Variants in ZNF420 observed in about 807,000 individuals in gnomAD.
ZNF420 encodes zinc finger protein 420, also known as ATM and p53-associated KZNF protein.
In ZNF420, 31 loss-of-function variants were observed where a neutral mutation model predicts 44.7. The ratio of observed to expected loss-of-function variants is 0.69; its 90% CI spans 0.52 to 0.94. The LOEUF (loss-of-function observed/expected upper bound fraction) is 0.94. ZNF420 is among the 40% of genes least tolerant of loss of function. The pLI is 0.00. For missense variants in ZNF420, 681 were observed against 827.9 expected (o/e 0.82, Z 2.18); for synonymous variants, 245 against 267.4 (o/e 0.92, Z 0.82).
chr19:37,113,259 A>G (rs1320256302), intron 4 of ZNF420, among the ~76,000 whole-genome samples: 1 of 152,154 alleles, frequency 6.6e-6, no homozygotes, highest in African/African-American at 2.4e-5. Flanking sequence ...TTGAATAGTT[A>G]TATTTTGTTT....
At chr19:37,115,787 C>A (rs116509077) in intron 4 of ZNF420, among the ~76,000 whole-genome samples, 1 of 151,932 alleles carries the variant, frequency 6.6e-6, no homozygotes, top group Non-Finnish European at 1.5e-5. Flanking sequence ...TCCCTTCCCA[C>A]GAGGCCATAT....
At chr19:37,083,360 ATATC>A (rs1229575015) in intron 2 of ZNF420, among the ~76,000 whole-genome samples, 1 of 152,160 alleles carries the variant, frequency 6.6e-6, no homozygotes, top group African/African-American at 2.4e-5. Flanking sequence ...TAGCTGGACT[ATATC>A]TATAAAGGGA....
At chr19:37,056,334 C>T (rs541407951) in intron 1 of ZNF420, among the ~76,000 whole-genome samples, 1 of 152,146 alleles carries the variant, frequency 6.6e-6, no homozygotes, top group Non-Finnish European at 1.5e-5. Context: ...AGGGAGGTCA[C>T]CTGTGCCCCC....
intron 1 of ZNF420, among the ~76,000 whole-genome samples, chr19:37,065,867 G>A (rs1361108283): frequency 6.6e-6 from 1 of 152,090 alleles, no homozygotes; most frequent in Non-Finnish European, 1.5e-5. Context: ...TTCAATAAAT[G>A]GCACTAGAAC....
At chr19:37,070,130 G>T (rs1968032438) in intron 1 of ZNF420, among the ~76,000 whole-genome samples, 1 of 152,062 alleles carries the variant, frequency 6.6e-6, no homozygotes, top group Non-Finnish European at 1.5e-5. Flanking sequence ...CATATGTGTT[G>T]TATGTCCCAT....
intron 1 of ZNF420, among the ~76,000 whole-genome samples, chr19:37,056,466 C>A (rs1463685329): frequency 2.0e-5 from 3 of 152,202 alleles, no homozygotes; most frequent in Admixed American, 2.0e-4. Context: ...GTTGCATTGG[C>A]TCCACCTTGG....
chr19:37,059,725 G>A (rs1967834887), intron 1 of ZNF420, among the ~76,000 whole-genome samples: 1 of 152,168 alleles, frequency 6.6e-6, no homozygotes, highest in South Asian at 2.1e-4. Context: ...CTTGCGGAGA[G>A]CAGAACCCCG....
chr19:37,084,443 T>C (rs1968645570), intron 2 of ZNF420, among the ~76,000 whole-genome samples: 1 of 152,214 alleles, frequency 6.6e-6, no homozygotes, highest in Non-Finnish European at 1.5e-5. Flanking sequence ...TAATACTTTA[T>C]AACTTTGTTG....
chr19:37,020,537 A>G (rs1404112660), intron 1 of ZNF420, among the ~76,000 whole-genome samples: 1 of 151,858 alleles, frequency 6.6e-6, no homozygotes, highest in African/African-American at 2.4e-5. Flanking sequence ...TCCCAAATAA[A>G]CCTGTCTTTG....
intron 4 of ZNF420, among the ~76,000 whole-genome samples, chr19:37,094,337 A>AT (rs755437869): frequency 6.6e-6 from 1 of 151,982 alleles, no homozygotes; most frequent in Admixed American, 6.6e-5. Context: ...ATCGTGTTTT[A>AT]TTTTTTGCAA....
At chr19:37,057,591 C>A (rs972143302) in intron 1 of ZNF420, among the ~76,000 whole-genome samples, 1 of 152,046 alleles carries the variant, frequency 6.6e-6, no homozygotes, top group African/African-American at 2.4e-5. Flanking sequence ...GCATGTCAAC[C>A]TGTTTTTGGT....
chr19:37,129,017 T>C lies in ZNF420; in HGVS notation c.2026T>C (p.Cys676Arg). 8 of 1,613,526 alleles carry C rather than the reference T, an allele frequency of 5.0e-6. No individual in the cohort carries two copies. Among genetic ancestry groups the C allele is most frequent in the South Asian group, 1.1e-5 (1 of 91,080 alleles). Residue 676 changes from cysteine (C) to arginine (R), a missense_variant, in exon 5 of 5, where the codon TGT (cysteine) becomes CGT (arginine). Physicochemically the swap from Cys to Arg is radical, Grantham distance 180 (BLOSUM62 -3). Transcript: ENST00000337995. ...TGAGAAATCTTTTGAATATAAGGAA[T>C]GTGGGATTGACTTTAGTCATGGCTC... Reference protein sequence around the residue: ...ISEKSFEYKECGIDFSHGSQV... With the variant: ...ISEKSFEYKERGIDFSHGSQV...
Position 37,127,798 on chromosome 19 carries a change from C to T in ZNF420, c.807C>T (p.His269=), listed in dbSNP as rs1174732413. The T allele has an allele frequency of 1.9e-6, 3 of 1,613,280 alleles. No individual in the cohort carries two copies. The East Asian group carries it at 6.7e-5, about 36-fold the overall frequency. ...AFTQNSQLTL[H]QRLHTGEKLY... ...CTCAGAATTCACAACTTACACTACACCAGAGACTTCATACTGGTGAAAAGC... is the reference window on the plus strand; with the variant it reads ...CTCAGAATTCACAACTTACACTACATCAGAGACTTCATACTGGTGAAAAGC... Residue 269 remains histidine, a synonymous_variant, in exon 5 of 5, where the codon CAC becomes CAT. Transcript: ENST00000337995.
rs1971597520 is a variant in ZNF420 at position 37,130,332 on chromosome 19, T to TC, written c.*1275dup. The stretch of plus-strand genomic sequence containing the variant: ...TCTTATTTGTTGATGCTATTGTAGT[T>TC]CTGTTATTGACAATAAAAATTCTTA... On this transcript the variant is annotated 3_prime_UTR_variant, in exon 5 of 5. Coordinates refer to ENST00000337995, the MANE Select transcript of ZNF420 (RefSeq NM_144689.5). The TC allele has an allele frequency of 7.4e-7, 1 of 1,347,408 alleles. No individual in the cohort carries two copies. Among genetic ancestry groups the TC allele is most frequent in the African/African-American group, 1.5e-5 (1 of 66,676 alleles). 83.5% of individuals were successfully genotyped at this position (1,347,408 alleles called of 1,614,324 possible).
chr19:37,068,780 A>C (rs1184812806), intron 1 of ZNF420, among the ~76,000 whole-genome samples: 1 of 152,214 alleles, frequency 6.6e-6, no homozygotes, highest in Non-Finnish European at 1.5e-5. Flanking sequence ...AGAACAGAAA[A>C]AACATTTGGA....
At position 37,130,026 on chromosome 19, in the gene ZNF420, G is replaced by C. The variant is rs540631267; in HGVS notation, c.*968G>C. 6.8e-5 allele frequency: 104 copies of C among 1,530,102 alleles called. No homozygotes were observed. The African/African-American group carries it at 1.2e-3, about 18-fold the overall frequency. The allele number at this position is 1,530,102 out of a possible 1,614,324, so 94.8% of individuals were successfully genotyped here. A position where few individuals can be genotyped will look rare whatever the true frequency, so the allele number is the denominator to read the frequency against. ...TTTTTTAGTAACAAATTTCTGGGCTGAAAATCTCAGCCTTCCTTGCAGGTC... is the reference window on the plus strand; with the variant it reads ...TTTTTTAGTAACAAATTTCTGGGCTCAAAATCTCAGCCTTCCTTGCAGGTC... On this transcript the variant is annotated 3_prime_UTR_variant, in exon 5 of 5. Coordinates refer to ENST00000337995, the MANE Select transcript of ZNF420 (RefSeq NM_144689.5).
chr19:37,094,904 G>A (rs992818802), intron 4 of ZNF420, among the ~76,000 whole-genome samples: 2 of 152,022 alleles, frequency 1.3e-5, no homozygotes, highest in African/African-American at 2.4e-5. Context: ...AGGCTGAGGC[G>A]GGCAGATCAC....
At chr19:37,032,363 G>C (rs1967275683) in intron 1 of ZNF420, among the ~76,000 whole-genome samples, 1 of 151,846 alleles carries the variant, frequency 6.6e-6, no homozygotes, top group African/African-American at 2.4e-5. Flanking sequence ...AAATTAGCCA[G>C]GCGTGGTTGT....
At chr19:37,018,195 AT>A (rs1478960729) in intron 1 of ZNF420, among the ~76,000 whole-genome samples, 2 of 152,208 alleles carry the variant, frequency 1.3e-5, no homozygotes, top group Non-Finnish European at 2.9e-5. Context: ...GGATTGGGAA[AT>A]TTAATATTGT....
Sources: gnomAD v4.1 joint callset for allele counts (sites outside exome capture counted in the v4.1 genomes callset) on GRCh38, gnomAD v4.1.1 for gene constraint, MANE v1.5 for transcripts, NCBI Gene and HGNC (gene_info 2026-07-23, HGNC 2026-07-21) for gene names.